EXOC1L: variants seen among roughly 807,000 people sequenced by gnomAD.
EXOC1L encodes the protein exocyst complex component 1 like.
Under a neutral mutation model 4.9 loss-of-function variants are expected in EXOC1L, and 10 were observed. The ratio of observed to expected loss-of-function variants is 2.02; its 90% CI spans 1.25 to 3.43. The LOEUF (loss-of-function observed/expected upper bound fraction) is 3.43. EXOC1L is among the 30% of genes most tolerant of loss of function. The probability of loss-of-function intolerance (pLI) is 0.00; values close to 1 mark genes in which losing one functional copy is unlikely to be tolerated. For synonymous variants in EXOC1L, 41 were observed against 20.8 expected, an observed-to-expected ratio of 1.97 and a Z score of -2.63; for missense variants, 114 against 59.4, an observed-to-expected ratio of 1.92 and a Z score of -3.02.
intron 2 of EXOC1L, among the ~76,000 whole-genome samples, chr4:55,832,137 G>A (rs1005567630): frequency 3.3e-5 from 5 of 151,926 alleles, no homozygotes; most frequent in Admixed American, 3.3e-4. Flanking sequence ...ACTCATTATG[G>A]CATGGGTGGA....
At chr4:55,833,369 AAT>A (rs1450439562) in intron 2 of EXOC1L, among the ~76,000 whole-genome samples, 3 of 151,918 alleles carry the variant, frequency 2.0e-5, no homozygotes, top group South Asian at 2.1e-4. Flanking sequence ...TTTTACAAAA[AAT>A]ATGTCAGTAT....
At chr4:55,822,691 C>T (rs951811196) in intron 1 of EXOC1L, among the ~76,000 whole-genome samples, 2 of 152,124 alleles carry the variant, frequency 1.3e-5, no homozygotes, top group African/African-American at 4.8e-5. Flanking sequence ...GCTTTGCCAC[C>T]CACCAGCTGT....
chr4:55,836,729 C>A (rs1026440914), intron 2 of EXOC1L, among the ~76,000 whole-genome samples: 16 of 151,860 alleles, frequency 1.1e-4, no homozygotes, highest in African/African-American at 2.9e-4. Context: ...GGAGAGGAAC[C>A]TTTTCTGTTT....
At chr4:55,825,428 G>T (rs367662503) in intron 1 of EXOC1L, among the ~76,000 whole-genome samples, 43 of 152,276 alleles carry the variant, frequency 2.8e-4, no homozygotes, top group Middle Eastern at 6.8e-3. Flanking sequence ...GAAGCATACA[G>T]TAGCTAAATA....
chr4:55,826,522 G>C (rs1432340286), intron 1 of EXOC1L, among the ~76,000 whole-genome samples: 1 of 152,180 alleles, frequency 6.6e-6, no homozygotes, highest in Non-Finnish European at 1.5e-5. Flanking sequence ...TTCTGAAAAT[G>C]CTGACTAAAA....
At chr4:55,822,471 G>T (rs952906273) in intron 1 of EXOC1L, among the ~76,000 whole-genome samples, 2 of 152,178 alleles carry the variant, frequency 1.3e-5, no homozygotes, top group South Asian at 4.1e-4. Context: ...ATCTTCTTAT[G>T]AAGCAGGGAG....
rs112230955 is a variant in EXOC1L, at chr4:55,834,720, GAA to G, written c.253-2354_253-2353del. ...TTTCAAGCTGTAGTTATGAGCGCCA[GAA>G]AAAAAAAAAATTGTGAATGTGACTA... On this transcript the variant is annotated intron_variant, in intron 2 of 2. Transcript: ENST00000636125. Among the ~76,000 whole-genome samples, 7 of 143,416 alleles carry G rather than the reference GAA, an allele frequency of 4.9e-5. 1 individual carries two copies. Among genetic ancestry groups the G allele is most frequent in the African/African-American group, 1.8e-4 (7 of 39,472 alleles). The allele number at this position is 143,416 out of a possible 152,430, so 94.1% of individuals were successfully genotyped here.
At chr4:55,833,112 T>G (rs971011843) in intron 2 of EXOC1L, among the ~76,000 whole-genome samples, 2 of 151,948 alleles carry the variant, frequency 1.3e-5, no homozygotes, top group Non-Finnish European at 2.9e-5. Flanking sequence ...ATGTAACACC[T>G]TTTTGACAAT....
At chr4:55,820,350 A>G (rs1020727782) in intron 1 of EXOC1L, among the ~76,000 whole-genome samples, 5 of 152,202 alleles carry the variant, frequency 3.3e-5, no homozygotes, top group Non-Finnish European at 7.4e-5. Flanking sequence ...AAAACATTGT[A>G]TTAGAATACT....
chr4:55,835,573 A>G (rs1018334781), intron 2 of EXOC1L, among the ~76,000 whole-genome samples: 1 of 151,930 alleles, frequency 6.6e-6, no homozygotes, highest in Non-Finnish European at 1.5e-5. Context: ...GTGGTATTGC[A>G]TAGTGGTTTT....
chr4:55,835,625 T>C (rs571153205), intron 2 of EXOC1L, among the ~76,000 whole-genome samples: 1 of 152,188 alleles, frequency 6.6e-6, no homozygotes, highest in South Asian at 2.1e-4. Flanking sequence ...GAGCATTTTT[T>C]CATGTTTGTT....
At chr4:55,821,983 T>C (rs1020141149) in intron 1 of EXOC1L, among the ~76,000 whole-genome samples, 2 of 152,226 alleles carry the variant, frequency 1.3e-5, no homozygotes, top group African/African-American at 4.8e-5. Context: ...ACAATTTCCA[T>C]TGGTAATGAA....
intron 1 of EXOC1L, among the ~76,000 whole-genome samples, chr4:55,821,292 G>A (rs912398992): frequency 6.6e-6 from 1 of 151,748 alleles, no homozygotes; most frequent in African/African-American, 2.4e-5. Flanking sequence ...GTATTCTAGC[G>A]ACATAAAAAA....
intron 1 of EXOC1L, among the ~76,000 whole-genome samples, chr4:55,822,814 A>G (rs983244282): frequency 6.6e-6 from 1 of 152,204 alleles, no homozygotes; most frequent in African/African-American, 2.4e-5. Flanking sequence ...TCTTACTAGG[A>G]TAAAACCAAA....
chr4:55,821,854 A>C (rs1053087247), intron 1 of EXOC1L, among the ~76,000 whole-genome samples: 6 of 152,212 alleles, frequency 3.9e-5, no homozygotes, highest in African/African-American at 1.4e-4. Context: ...ATTTGAGAGC[A>C]CTTTCTCCAA....
chr4:55,827,160 A>G (rs1719906607), intron 1 of EXOC1L, among the ~76,000 whole-genome samples: 1 of 152,194 alleles, frequency 6.6e-6, no homozygotes, highest in Admixed American at 6.5e-5. Flanking sequence ...TAGACCCCTC[A>G]GGAACTAGTC....
At chr4:55,828,046 A>G (rs553375534) in intron 1 of EXOC1L, among the ~76,000 whole-genome samples, 3 of 152,112 alleles carry the variant, frequency 2.0e-5, no homozygotes, top group Non-Finnish European at 4.4e-5. Flanking sequence ...CCAAGTTAAG[A>G]TCTTCTGCTT....
chr4:55,837,067 T>C lies in EXOC1L; in HGVS notation c.253-18T>C. On this transcript the variant is annotated intron_variant, in intron 2 of 2. Transcript: ENST00000636125. ...TTTCTTGGCTACCAACTAAATCATG[T>C]CTCTCATTCTCTTCCAGGACAATCC... 4.5e-6 allele frequency: 3 copies of C among 666,176 alleles called. No homozygotes were observed. The East Asian group carries it at 8.2e-5, about 18-fold the overall frequency. 41.3% of individuals were successfully genotyped at this position (666,176 alleles called of 1,614,324 possible).
At chr4:55,833,062 A>G (rs1720073256) in intron 2 of EXOC1L, among the ~76,000 whole-genome samples, 1 of 152,010 alleles carries the variant, frequency 6.6e-6, no homozygotes, top group African/African-American at 2.4e-5. Flanking sequence ...CTTCTTGGCA[A>G]AAGAATGCTG....
Sources: allele counts gnomAD v4.1 joint callset (sites outside exome capture counted in the v4.1 genomes callset), GRCh38; gene constraint gnomAD v4.1.1; transcripts MANE v1.5; gene names NCBI Gene and HGNC (gene_info 2026-07-23, HGNC 2026-07-21).